The following LRTM3 variants were observed in gnomAD, a reference collection of about 807,000 sequenced individuals.
LRTM3 encodes the protein leucine-rich repeat transmembrane protein 3.
At chr13:102,731,262 G>T in the LRTM3 span, 2 of 1,551,142 alleles carry the variant, frequency 1.3e-6, no homozygotes, top group African/African-American at 1.4e-5. Flanking sequence ...TTTGAGTTAG[G>T]TTCTATGGTA....
At chr13:102,743,093 GT>G in the LRTM3 span, 117 of 1,550,106 alleles carry the variant, frequency 7.5e-5, no homozygotes, top group Non-Finnish European at 9.9e-5. Flanking sequence ...TCTAAGATAT[GT>G]GTTTGCCATG....
chr13:102,747,433 A>G, the LRTM3 span: 3 of 1,548,092 alleles, frequency 1.9e-6, no homozygotes, highest in Middle Eastern at 1.7e-4. Context: ...TCATAATTAC[A>G]TATTTGACAC....
chr13:102,735,714 C>G, the LRTM3 span: 3 of 1,550,784 alleles, frequency 1.9e-6, no homozygotes, highest in Admixed American at 5.9e-5. Flanking sequence ...AATGTGTAAC[C>G]ATGCAGTGAC....
chr13:102,732,457 G>A, the LRTM3 span: 10 of 1,550,802 alleles, frequency 6.4e-6, no homozygotes, highest in South Asian at 5.9e-5. Flanking sequence ...TTGTTAATCT[G>A]CCTTTCTGAT....
the LRTM3 span, chr13:102,730,979 TA>T: frequency 5.9e-4 from 921 of 1,551,516 alleles, no homozygotes; most frequent in Admixed American, 1.1e-3. Context: ...GGTCATTGCA[TA>T]AGATTCTCTT....
chr13:102,730,917 T>C, the LRTM3 span: 1 of 1,551,330 alleles, frequency 6.4e-7, no homozygotes, highest in Non-Finnish European at 8.7e-7. Flanking sequence ...TTTGGTCCTG[T>C]GAAACCAGGA....
the LRTM3 span, chr13:102,744,958 A>G: frequency 6.4e-7 from 1 of 1,550,816 alleles, no homozygotes; most frequent in South Asian, 1.2e-5. Flanking sequence ...TTATTGCACC[A>G]GTTAAAACTT....
the LRTM3 span, chr13:102,748,047 G>A: frequency 1.3e-6 from 2 of 1,550,986 alleles, no homozygotes; most frequent in African/African-American, 2.7e-5. Context: ...TTCTCATCTG[G>A]TAATTTCTCT....
chr13:102,758,585 A>G, the LRTM3 span: 9 of 1,545,216 alleles, frequency 5.8e-6, no homozygotes, highest in East Asian at 1.5e-4. Context: ...GTCTATTTTA[A>G]TGGAAAAAAA....
At chr13:102,757,639 C>T in the LRTM3 span, among the ~76,000 whole-genome samples, 1 of 152,180 alleles carries the variant, frequency 6.6e-6, no homozygotes, top group Non-Finnish European at 1.5e-5. Flanking sequence ...AACCTCTGTC[C>T]TTTTCGGGCT....
the LRTM3 span, among the ~76,000 whole-genome samples, chr13:102,754,186 C>G: frequency 1.9e-5 from 2 of 108,078 alleles, no homozygotes; most frequent in Non-Finnish European, 3.4e-5. Flanking sequence ...GCCTGGGCAA[C>G]AGAATGAGAC....
the LRTM3 span, among the ~76,000 whole-genome samples, chr13:102,754,408 GT>G: frequency 1.3e-5 from 2 of 152,008 alleles, no homozygotes; most frequent in Non-Finnish European, 2.9e-5. Flanking sequence ...CCCACACCCT[GT>G]TTTGTTTGCT....
the LRTM3 span, chr13:102,747,127 G>C: frequency 6.4e-7 from 1 of 1,550,396 alleles, no homozygotes; most frequent in Non-Finnish European, 8.7e-7. Context: ...GTGTGTTTTG[G>C]GATTCATTTC....
chr13:102,743,972 T>C, the LRTM3 span: 1 of 1,550,364 alleles, frequency 6.5e-7, no homozygotes, highest in Non-Finnish European at 8.7e-7. Flanking sequence ...ACCATCCAGA[T>C]TTTGTCGGCG....
chr13:102,745,005 G>A, the LRTM3 span: 1 of 1,550,840 alleles, frequency 6.4e-7, no homozygotes, highest in Non-Finnish European at 8.7e-7. Flanking sequence ...AGAGGAAGAA[G>A]TTTTGAATTT....
the LRTM3 span, chr13:102,742,261 T>C: frequency 1.3e-6 from 2 of 1,550,492 alleles, no homozygotes; most frequent in Middle Eastern, 1.7e-4. Context: ...GCTGGGAAAC[T>C]GTTATTCTTT....
chr13:102,733,479 C>T, the LRTM3 span: 10 of 1,551,142 alleles, frequency 6.4e-6, no homozygotes, highest in Admixed American at 1.2e-4. Context: ...ACATACAGTT[C>T]CTTAGATATT....
At chr13:102,758,588 G>GA in the LRTM3 span, 11 of 1,536,464 alleles carry the variant, frequency 7.2e-6, no homozygotes, top group South Asian at 4.9e-5. Context: ...TATTTTAATG[G>GA]AAAAAAAATT....
chr13:102,730,477 A>ACAGG, the LRTM3 span: 2 of 1,551,374 alleles, frequency 1.3e-6, no homozygotes, highest in Non-Finnish European at 1.7e-6. Flanking sequence ...ATTCACATGT[A>ACAGG]TTTCTTTCTT....
Sources: allele counts gnomAD v4.1 joint callset (sites outside exome capture counted in the v4.1 genomes callset), GRCh38; gene constraint gnomAD v4.1.1; transcripts MANE v1.5; gene names NCBI Gene and HGNC (gene_info 2026-07-23, HGNC 2026-07-21).